The following FGD1 variants were observed in gnomAD, a reference collection of about 807,000 sequenced individuals.
FGD1 encodes the protein FYVE, RhoGEF and PH domain-containing protein 1.
In FGD1, 12 loss-of-function variants were observed where a neutral mutation model predicts 65.0. That is an observed-to-expected ratio of 0.18 (90% CI 0.12 to 0.30). The LOEUF (loss-of-function observed/expected upper bound fraction) is 0.30, where lower values mean the gene tolerates loss of function less well. Among genes scored for constraint, FGD1 ranks in the 10% least tolerant of loss-of-function variants. The pLI is 1.00. For synonymous variants in FGD1, 333 were observed against 343.9 expected (o/e 0.97, Z 0.35); for missense variants, 542 against 837.6 (o/e 0.65, Z 4.36).
chrX:54,463,548 C>T (rs948865670), intron 8 of FGD1, among the ~76,000 whole-genome samples: 12 of 111,978 alleles, frequency 1.1e-4, no homozygotes, highest in African/African-American at 3.9e-4. Flanking sequence ...TAATCATGAT[C>T]GAAACCTTCC....
At chrX:54,448,083 C>T (rs903881335) in intron 16 of FGD1, among the ~76,000 whole-genome samples, 1 of 111,864 alleles carries the variant, frequency 8.9e-6, no homozygotes, top group Non-Finnish European at 1.9e-5. Flanking sequence ...AGGATAAGCC[C>T]TCACAATGGT....
At position 54,468,075 on chromosome X, in the gene FGD1, G is replaced by C. The variant is rs1922806300; in HGVS notation, c.1192-143C>G. The C allele has an allele frequency of 1.3e-5, 7 of 536,940 alleles. No homozygotes were observed. In the East Asian group the frequency reaches 2.5e-4, roughly 20 times the overall value. The allele number at this position is 536,940 out of a possible 1,213,427, so 44.2% of individuals were successfully genotyped here. A position where few individuals can be genotyped will look rare whatever the true frequency, so the allele number is the denominator to read the frequency against. The stretch of plus-strand genomic sequence containing the variant: ...CTGAGGAGACAGGGAATGGGGTTAG[G>C]GTTATATATTGGGGAGATGGATTTC... On this transcript the variant is annotated intron_variant, in intron 5 of 17. Coordinates refer to ENST00000375135, the MANE Select transcript of FGD1 (RefSeq NM_004463.3).
chrX:54,492,832 C>T (rs1246542253), intron 1 of FGD1, among the ~76,000 whole-genome samples: 4 of 108,880 alleles, frequency 3.7e-5, no homozygotes, highest in Non-Finnish European at 7.6e-5. Flanking sequence ...GTCACTCACC[C>T]AGGGTCACAA....
chrX:54,471,302 A>G lies in FGD1; in HGVS notation c.481+12T>C. The G allele has an allele frequency of 8.3e-7, 1 of 1,209,293 alleles. No individual in the cohort carries two copies. Among genetic ancestry groups the G allele is most frequent in the Non-Finnish European group, 1.1e-6 (1 of 894,623 alleles). ...CTGGGCCACTTCTCTGCTCTTTTCC[A>G]GGACCACTTACCCTGTGGCTTCGGG... is the stretch of plus-strand genomic sequence containing the variant. On this transcript the variant is annotated intron_variant, in intron 2 of 17. Coordinates refer to ENST00000375135, the MANE Select transcript of FGD1 (RefSeq NM_004463.3).
At chrX:54,471,559 C>T in intron 1 of FGD1, 72 bp from the exon 2 acceptor site, 1 of 998,602 alleles carries the variant, frequency 1.0e-6, no homozygotes, top group Non-Finnish European at 1.4e-6. Flanking sequence ...AAAGTTAGGA[C>T]TGGCATGTCT....
At chrX:54,493,429 G>C (rs1048828919) in intron 1 of FGD1, among the ~76,000 whole-genome samples, 1 of 111,765 alleles carries the variant, frequency 8.9e-6, no homozygotes, top group Non-Finnish European at 1.9e-5. Flanking sequence ...ATTTCAGATT[G>C]TACTAAGTGC....
At chrX:54,474,503 C>T (rs1922974082) in intron 1 of FGD1, among the ~76,000 whole-genome samples, 1 of 112,714 alleles carries the variant, frequency 8.9e-6, no homozygotes, top group African/African-American at 3.2e-5. Context: ...GGCCCCAGGC[C>T]GAGCGCCCCT....
intron 1 of FGD1, among the ~76,000 whole-genome samples, chrX:54,481,579 G>A (rs1032727744): frequency 9.5e-6 from 1 of 105,283 alleles, no homozygotes; most frequent in Non-Finnish European, 1.9e-5. Flanking sequence ...GATCCCAGGT[G>A]TGTCTGTGTC....
At chrX:54,472,280 GA>G (rs370414827) in intron 1 of FGD1, among the ~76,000 whole-genome samples, 8,467 of 75,151 alleles carry the variant, frequency 0.11, 863 homozygotes, top group African/African-American at 0.32. Context: ...GCTGTCTCAA[GA>G]AAAAAAAAAA....
intron 1 of FGD1, among the ~76,000 whole-genome samples, chrX:54,480,166 G>A (rs1003514316): frequency 1.1e-4 from 12 of 112,557 alleles, no homozygotes; most frequent in African/African-American, 2.9e-4. Context: ...CCTTCAAAAC[G>A]GAGACACTTT....
chrX:54,462,765 CT>C (rs1181178139), intron 8 of FGD1, among the ~76,000 whole-genome samples: 237 of 83,802 alleles, frequency 2.8e-3, no homozygotes, highest in African/African-American at 7.2e-3. Flanking sequence ...GCTGCTCCTT[CT>C]TTTTTTTTTT....
At chrX:54,487,350 T>C (rs1923303061) in intron 1 of FGD1, among the ~76,000 whole-genome samples, 1 of 112,370 alleles carries the variant, frequency 8.9e-6, no homozygotes, top group East Asian at 2.8e-4. Flanking sequence ...CTCCCAGATC[T>C]ATACATGGTA....
At chrX:54,478,389 C>CT (rs776736721) in intron 1 of FGD1, among the ~76,000 whole-genome samples, 34 of 105,067 alleles carry the variant, frequency 3.2e-4, no homozygotes, top group South Asian at 4.1e-4. Context: ...TGAATCTGGT[C>CT]TTTTTTTTTT....
At chrX:54,455,990 AG>A (rs1222667180) in intron 10 of FGD1, among the ~76,000 whole-genome samples, 1 of 112,641 alleles carries the variant, frequency 8.9e-6, no homozygotes, top group Admixed American at 9.4e-5. Context: ...CTTCTCTGCA[AG>A]GCTTATTTGC....
chrX:54,476,360 T>C (rs1306995674), intron 1 of FGD1, among the ~76,000 whole-genome samples: 1 of 81,929 alleles, frequency 1.2e-5, no homozygotes, highest in African/African-American at 8.9e-5. Flanking sequence ...TCCAGCCCTT[T>C]TTTTTTTTTT....
At chrX:54,492,086 G>A (rs1923424616) in intron 1 of FGD1, among the ~76,000 whole-genome samples, 1 of 111,065 alleles carries the variant, frequency 9.0e-6, no homozygotes, top group Non-Finnish European at 1.9e-5. Flanking sequence ...CAAGCAAACC[G>A]CTTTCTGACT....
At chrX:54,458,069 G>T (rs1411152359) in intron 8 of FGD1, among the ~76,000 whole-genome samples, 1 of 112,262 alleles carries the variant, frequency 8.9e-6, no homozygotes, top group African/African-American at 3.2e-5. Context: ...GAGATCTATG[G>T]CCCCTGTCCC....
chrX:54,450,359 T>C lies in FGD1; in HGVS notation c.2016-58A>G, dbSNP rs1373087772. The C allele has an allele frequency of 4.5e-6, 5 of 1,108,824 alleles. No individual in the cohort carries two copies. The African/African-American group carries it at 7.3e-5, about 16-fold the overall frequency. 91.4% of individuals were successfully genotyped at this position (1,108,824 alleles called of 1,213,427 possible). On this transcript the variant is annotated intron_variant, in intron 12 of 17. Coordinates refer to ENST00000375135, the MANE Select transcript of FGD1 (RefSeq NM_004463.3). Reference sequence around the variant, plus strand: ...GGTTAGGTAGGCCCACAAAAAGCAATAGGAGTGGAAGAGCAGGTGTTTTGG... The same window carrying C: ...GGTTAGGTAGGCCCACAAAAAGCAACAGGAGTGGAAGAGCAGGTGTTTTGG...
In FGD1 at chrX:54,470,205, C is replaced by A. The variant is rs778098758; in HGVS notation, c.912G>T (p.Gly304=). The change falls in exon 4 of 18, where the codon GGG becomes GGT. Residue 304 remains glycine (G), a synonymous_variant. Transcript: ENST00000375135. ...CAGGGCAGAGGCTGTGGCTGGGGGG[C>A]CCGTCATCACTGACGAAGCAGGTCT... ...SEETCFVSDD[G]PPSHSLCPGP... is the part of the protein sequence containing the mutation. 11 of 1,207,133 alleles carry A rather than the reference C, an allele frequency of 9.1e-6. No homozygotes were observed. The highest frequency in any genetic ancestry group is 8.9e-5 in the South Asian group (5 of 56,128).
Sources: gnomAD v4.1 joint callset for allele counts (sites outside exome capture counted in the v4.1 genomes callset) on GRCh38, gnomAD v4.1.1 for gene constraint, MANE v1.5 for transcripts, NCBI Gene and HGNC (gene_info 2026-07-23, HGNC 2026-07-21) for gene names.